Variants in NPHP1 observed in about 807,000 individuals in gnomAD.
NPHP1 encodes nephrocystin 1.
Under a neutral mutation model 90.4 loss-of-function variants are expected in NPHP1, and 70 were observed. The observed-to-expected ratio is 0.77, with a 90% CI of 0.64 to 0.95. The LOEUF (loss-of-function observed/expected upper bound fraction) is 0.95. NPHP1 is among the 40% of genes least tolerant of loss of function. The pLI is 0.00. For synonymous variants in NPHP1, 256 were observed against 271.7 expected (o/e 0.94, Z 0.57); for missense variants, 764 against 795.9 (o/e 0.96, Z 0.48).
chr2:110,190,198 G>A (rs922782559), intron 2 of NPHP1, among the ~76,000 whole-genome samples: 3 of 152,328 alleles, frequency 2.0e-5, no homozygotes, highest in African/African-American at 4.8e-5. Flanking sequence ...AGGGCTGCAG[G>A]TGGAGCTGCC....
chr2:110,163,024 C>T lies in NPHP1; in HGVS notation c.859+24G>A, dbSNP rs531656216. The T allele has an allele frequency of 1.7e-5, 26 of 1,536,408 alleles. No homozygotes were observed. The Admixed American group carries it at 4.3e-4, about 26-fold the overall frequency. ...TCTTGACTGCTTTGCTGAAAGAGTG[C>T]AGTGGCTGATAGGCACGCATTACCT... On this transcript the variant is annotated intron_variant, in intron 9 of 19. Coordinates refer to ENST00000445609, the MANE Select transcript of NPHP1 (RefSeq NM_001128178.3).
chr2:110,187,541 C>G (rs1192619502), intron 2 of NPHP1, among the ~76,000 whole-genome samples: 1 of 152,042 alleles, frequency 6.6e-6, no homozygotes, highest in African/African-American at 2.4e-5. Context: ...GCTTACCAAC[C>G]AAAACACTCC....
chr2:110,160,077 T>C (rs769066856), intron 11 of NPHP1, 50 bp downstream of exon 11: 4 of 1,582,970 alleles, frequency 2.5e-6, no homozygotes, highest in Non-Finnish European at 2.6e-6. Context: ...TCTAAGGGAA[T>C]GTTTCTCCAT....
chr2:110,144,346 A>G (rs1680860890), intron 15 of NPHP1, 147 bp downstream of exon 15: 1 of 638,912 alleles, frequency 1.6e-6, no homozygotes, highest in Admixed American at 2.8e-5. Context: ...GTACTTAAAA[A>G]TGATTAAAAT....
At chr2:110,126,561 A>T (rs1679383761) in intron 18 of NPHP1, 2 of 152,608 alleles carry the variant, frequency 1.3e-5, no homozygotes, top group African/African-American at 2.4e-5. Context: ...CCTCCACCCT[A>T]TTAACTGCTG....
intron 18 of NPHP1, chr2:110,128,054 A>G (rs752341631): frequency 6.6e-6 from 1 of 152,144 alleles, no homozygotes; most frequent in Non-Finnish European, 1.5e-5. Context: ...GATCATATGT[A>G]CCATGAACAT....
intron 16 of NPHP1, among the ~76,000 whole-genome samples, chr2:110,141,978 A>AAC (rs58697073): frequency 0.015 from 2,255 of 150,888 alleles, 59 homozygotes; most frequent in African/African-American, 0.053. Flanking sequence ...GTCTCAAAAA[A>AAC]AAAAAAAAAA....
chr2:110,149,951 C>A (rs1447301309), intron 12 of NPHP1, among the ~76,000 whole-genome samples: 1 of 152,100 alleles, frequency 6.6e-6, no homozygotes, highest in Non-Finnish European at 1.5e-5. Context: ...CATTTTTCAT[C>A]AAATGAGAAT....
chr2:110,199,357 C>A (rs1416736523), intron 2 of NPHP1, among the ~76,000 whole-genome samples: 1 of 151,692 alleles, frequency 6.6e-6, no homozygotes, highest in African/African-American at 2.4e-5. Context: ...TCGCTTGAAC[C>A]CAGGAGGCAG....
chr2:110,192,116 G>A lies in NPHP1; in HGVS notation c.143+9305C>T, dbSNP rs187300309. Among the ~76,000 whole-genome samples the A allele has an allele frequency of 4.2e-3, 642 of 152,264 alleles. 9 individuals are homozygous for A. The highest frequency in any genetic ancestry group is 2.7e-3 in the Non-Finnish European group (186 of 68,030). ...TCAGAGCGCCTCTCCTCCTTCAAAGGATTGCAGCTCCTCACCAGCAACAGA... is the reference window on the plus strand; with the variant it reads ...TCAGAGCGCCTCTCCTCCTTCAAAGAATTGCAGCTCCTCACCAGCAACAGA... On this transcript the variant is annotated intron_variant, in intron 2 of 19. Transcript: ENST00000445609.
intron 2 of NPHP1, among the ~76,000 whole-genome samples, chr2:110,187,674 G>A (rs1020539632): frequency 6.6e-6 from 1 of 152,046 alleles, no homozygotes; most frequent in Non-Finnish European, 1.5e-5. Flanking sequence ...ATTGTATCCA[G>A]CATCCTCCCG....
intron 16 of NPHP1, among the ~76,000 whole-genome samples, chr2:110,135,165 C>A (rs372534331): frequency 5.9e-5 from 9 of 151,736 alleles, no homozygotes; most frequent in African/African-American, 1.9e-4. Context: ...GAGAAGGAAA[C>A]CAACAAAACA....
At chr2:110,175,747 G>C (rs1204674159) in intron 4 of NPHP1, among the ~76,000 whole-genome samples, 1 of 151,866 alleles carries the variant, frequency 6.6e-6, no homozygotes, top group Non-Finnish European at 1.5e-5. Flanking sequence ...ATCTCTCTTA[G>C]ATCATAATTT....
intron 4 of NPHP1, among the ~76,000 whole-genome samples, chr2:110,170,662 A>G (rs1559082204): frequency 6.6e-6 from 1 of 152,164 alleles, no homozygotes; most frequent in African/African-American, 2.4e-5. Context: ...GAGAATTATA[A>G]AATAGTGCAA....
rs886054756 is a variant in NPHP1 at position 110,168,483 on chromosome 2, T to C, written c.593A>G (p.Asn198Ser). The change falls in exon 6 of 20, where the codon AAT becomes AGT. Residue 198 changes from asparagine to serine, a missense_variant. Transcript: ENST00000445609. ...GTAGGTTCTGGGAACAAGACCTTCA[T>C]TTCCTTTGGCATCCTTAGCTATCCA... ...GWWIAKDAKG[N>S]EGLVPRTYLE... 1.9e-6 allele frequency: 3 copies of C among 1,613,272 alleles called. No homozygotes were observed. Among genetic ancestry groups the C allele is most frequent in the Non-Finnish European group, 8.5e-7 (1 of 1,179,338 alleles).
intron 11 of NPHP1, among the ~76,000 whole-genome samples, chr2:110,159,152 C>A (rs1238743934): frequency 6.6e-6 from 1 of 151,856 alleles, no homozygotes; most frequent in Non-Finnish European, 1.5e-5. Context: ...ACATAATGTC[C>A]TTTTTATATA....
chr2:110,143,480 G>T, intron 16 of NPHP1, 62 bp downstream of exon 16: 1 of 1,115,848 alleles, frequency 9.0e-7, no homozygotes, highest in South Asian at 1.2e-5. Context: ...GCCAAAAGCA[G>T]AGATGGTCTC....
At chr2:110,185,388 T>C (rs537906132) in intron 2 of NPHP1, among the ~76,000 whole-genome samples, 2 of 152,290 alleles carry the variant, frequency 1.3e-5, no homozygotes, top group Admixed American at 6.5e-5. Context: ...GCCTGAGGCC[T>C]GGGGGTGACC....
At chr2:110,189,921 C>T (rs914151309) in intron 2 of NPHP1, among the ~76,000 whole-genome samples, 1 of 152,088 alleles carries the variant, frequency 6.6e-6, no homozygotes, top group Non-Finnish European at 1.5e-5. Flanking sequence ...GAGCTAGATA[C>T]AGAGTGCCGA....
Sources: allele counts gnomAD v4.1 joint callset (sites outside exome capture counted in the v4.1 genomes callset), GRCh38; gene constraint gnomAD v4.1.1; transcripts MANE v1.5; gene names NCBI Gene and HGNC (gene_info 2026-07-23, HGNC 2026-07-21).